The following ELOVL7 variants were observed in gnomAD, a reference collection of about 807,000 sequenced individuals.
ELOVL7 encodes very long chain fatty acid elongase 7.
Under a neutral mutation model 35.7 loss-of-function variants are expected in ELOVL7, and 27 were observed. That is an observed-to-expected ratio of 0.76 (90% CI 0.56 to 1.04). The LOEUF is 1.04. Among genes scored for constraint, ELOVL7 ranks in the 50% least tolerant of loss-of-function variants. The pLI is 0.00. For synonymous variants in ELOVL7, 113 were observed against 114.6 expected (o/e 0.99, Z 0.09); for missense variants, 327 against 340.8 (o/e 0.96, Z 0.32).
At position 60,803,631 on chromosome 5, in the gene ELOVL7, G is replaced by A. The variant is rs144246203; in HGVS notation, c.-85-4401C>T. On this transcript the variant is annotated intron_variant, in intron 1 of 8. Coordinates refer to ENST00000508821, the MANE Select transcript of ELOVL7 (RefSeq NM_024930.3). ...ATAACACACTATAAACCTAAACACA[G>A]ACAGCATAGGGTTGGGCTACTACTT... is the stretch of plus-strand genomic sequence containing the variant. 4.0e-3 allele frequency among the ~76,000 whole-genome samples: 602 copies of A among 152,184 alleles called. 3 individuals are homozygous for A. The highest frequency in any genetic ancestry group is 0.014 in the African/African-American group (561 of 41,512).
At chr5:60,796,632 T>C (rs1406860321) in intron 2 of ELOVL7, among the ~76,000 whole-genome samples, 7 of 152,252 alleles carry the variant, frequency 4.6e-5, no homozygotes, top group African/African-American at 1.7e-4. Context: ...GCGTAATCAC[T>C]TTGGCAATTA....
chr5:60,793,233 T>A (rs1218526696), intron 2 of ELOVL7, among the ~76,000 whole-genome samples: 1 of 152,192 alleles, frequency 6.6e-6, no homozygotes. Context: ...CAGAAACTCA[T>A]CTCATATTTG....
intron 1 of ELOVL7, among the ~76,000 whole-genome samples, chr5:60,805,499 G>A (rs1476165995): frequency 6.6e-5 from 10 of 152,134 alleles, no homozygotes; most frequent in Non-Finnish European, 2.9e-5. Flanking sequence ...GTCATTACAG[G>A]TTTCTCAACT....
intron 1 of ELOVL7, among the ~76,000 whole-genome samples, chr5:60,817,688 CATAT>C (rs1450618829): frequency 1.4e-5 from 2 of 141,592 alleles, no homozygotes; most frequent in African/African-American, 5.1e-5. Flanking sequence ...ACACACACAC[CATAT>C]ATATACACAC....
chr5:60,763,609 A>G (rs1269849536), intron 7 of ELOVL7, among the ~76,000 whole-genome samples: 2 of 151,468 alleles, frequency 1.3e-5, no homozygotes, highest in Admixed American at 1.3e-4. Context: ...GGTTTCTCCA[A>G]TGCTTGATGT....
intron 3 of ELOVL7, among the ~76,000 whole-genome samples, chr5:60,776,382 C>T (rs1187418181): frequency 6.6e-6 from 1 of 152,070 alleles, no homozygotes; most frequent in Non-Finnish European, 1.5e-5. Flanking sequence ...CTATTAGGTA[C>T]ATACTGAAAG....
chr5:60,812,364 A>G (rs1290127649), intron 1 of ELOVL7, among the ~76,000 whole-genome samples: 1 of 152,220 alleles, frequency 6.6e-6, no homozygotes, highest in Non-Finnish European at 1.5e-5. Flanking sequence ...TGCTTGGTAT[A>G]TATTTAATTT....
chr5:60,796,855 GA>G (rs1744295017), intron 2 of ELOVL7, among the ~76,000 whole-genome samples: 1 of 152,190 alleles, frequency 6.6e-6, no homozygotes, highest in Non-Finnish European at 1.5e-5. Context: ...AATGAAGTGG[GA>G]AAGGGTGGGG....
intron 8 of ELOVL7, among the ~76,000 whole-genome samples, chr5:60,756,251 C>T (rs1210232127): frequency 6.8e-6 from 1 of 147,768 alleles, no homozygotes; most frequent in African/African-American, 2.4e-5. Context: ...AGCCTAAATA[C>T]AAAATACAAA....
intron 3 of ELOVL7, among the ~76,000 whole-genome samples, chr5:60,779,184 T>C (rs1243081948): frequency 6.6e-6 from 1 of 152,204 alleles, no homozygotes; most frequent in Non-Finnish European, 1.5e-5. Context: ...TGTCTGTGGC[T>C]TCTCCAGGTG....
chr5:60,801,710 A>C (rs1744625462), intron 1 of ELOVL7, among the ~76,000 whole-genome samples: 1 of 152,032 alleles, frequency 6.6e-6, no homozygotes, highest in Admixed American at 6.6e-5. Context: ...CTCAAAAAAA[A>C]AGAAAAAAAA....
intron 1 of ELOVL7, among the ~76,000 whole-genome samples, chr5:60,808,168 G>A (rs1284350234): frequency 1.3e-5 from 2 of 151,580 alleles, no homozygotes; most frequent in African/African-American, 4.8e-5. Flanking sequence ...AAAACCTGAA[G>A]TGTTCAAATG....
intron 1 of ELOVL7, among the ~76,000 whole-genome samples, chr5:60,801,094 A>AT (rs1744583124): frequency 6.6e-6 from 1 of 151,898 alleles, no homozygotes; most frequent in Non-Finnish European, 1.5e-5. Flanking sequence ...TGCCTGGCTA[A>AT]TTTTTTATTT....
chr5:60,773,340 T>C (rs527407197), intron 3 of ELOVL7, among the ~76,000 whole-genome samples: 8 of 152,262 alleles, frequency 5.3e-5, no homozygotes, highest in Admixed American at 6.5e-5. Flanking sequence ...CTTGCTCTTT[T>C]AAGCTGCTAA....
chr5:60,819,877 T>C (rs773479017), intron 1 of ELOVL7, among the ~76,000 whole-genome samples: 59 of 152,136 alleles, frequency 3.9e-4, no homozygotes, highest in Non-Finnish European at 7.1e-4. Context: ...AATGATGCTC[T>C]CCCCTCCGCG....
At chr5:60,838,797 GC>G in intron 1 of ELOVL7, among the ~76,000 whole-genome samples, 1 of 152,218 alleles carries the variant, frequency 6.6e-6, no homozygotes, top group East Asian at 1.9e-4. Flanking sequence ...GCTGAGGAGG[GC>G]AGATCACCTG....
chr5:60,776,199 G>A (rs935359729), intron 3 of ELOVL7, among the ~76,000 whole-genome samples: 16 of 152,166 alleles, frequency 1.1e-4, no homozygotes, highest in African/African-American at 3.6e-4. Flanking sequence ...ACATACAAGC[G>A]GCCAACAAAC....
chr5:60,815,661 G>A lies in ELOVL7; in HGVS notation c.-85-16431C>T, dbSNP rs189211551. Among the ~76,000 whole-genome samples the A allele has an allele frequency of 1.9e-3, 294 of 151,998 alleles. 1 individual carries two copies. The highest frequency in any genetic ancestry group is 3.4e-3 in the Non-Finnish European group (231 of 67,984). ...CAGCTCACTGCAACCTCTGCCTCCCGGACTCAAGCAATTCTCCTGCCTCAG... is the reference window on the plus strand; with the variant it reads ...CAGCTCACTGCAACCTCTGCCTCCCAGACTCAAGCAATTCTCCTGCCTCAG... On this transcript the variant is annotated intron_variant, in intron 1 of 8. Transcript: ENST00000508821.
At chr5:60,828,846 T>C (rs1176801496) in intron 1 of ELOVL7, among the ~76,000 whole-genome samples, 1 of 152,188 alleles carries the variant, frequency 6.6e-6, no homozygotes, top group Non-Finnish European at 1.5e-5. Context: ...CCCAAGAATC[T>C]CTCACTACTT....
Sources: gnomAD v4.1 joint callset for allele counts (sites outside exome capture counted in the v4.1 genomes callset) on GRCh38, gnomAD v4.1.1 for gene constraint, MANE v1.5 for transcripts, NCBI Gene and HGNC (gene_info 2026-07-23, HGNC 2026-07-21) for gene names.